The following REN variants were observed in gnomAD, a reference collection of about 807,000 sequenced individuals.
REN encodes renin.
In REN, 42 loss-of-function variants were observed where a neutral mutation model predicts 48.6. That is an observed-to-expected ratio of 0.86 (90% CI 0.68 to 1.12). The LOEUF is 1.12. Ranked by LOEUF, REN falls within the 50% of genes most tolerant of loss-of-function variation. The pLI, the probability that REN is intolerant of heterozygous loss-of-function variation, is 0.00. For missense variants in REN, 443 were observed against 527.3 expected, an observed-to-expected ratio of 0.84 and a Z score of 1.57; for synonymous variants, 196 against 204.6, an observed-to-expected ratio of 0.96 and a Z score of 0.36.
chr1:204,162,993 A>G (rs943376349), intron 1 of REN, among the ~76,000 whole-genome samples: 2 of 152,244 alleles, frequency 1.3e-5, no homozygotes, highest in African/African-American at 4.8e-5. Flanking sequence ...GCTCACAGGG[A>G]CAAAGGTGAC....
intron 1 of REN, among the ~76,000 whole-genome samples, chr1:204,165,817 C>T (rs1361141469): frequency 6.6e-6 from 1 of 152,152 alleles, no homozygotes; most frequent in East Asian, 1.9e-4. Context: ...GTCTCAAACT[C>T]CTGACCTCAA....
Position 204,156,184 on chromosome 1 carries a change from C to T in REN, c.954G>A (p.Leu318=), listed in dbSNP as rs11571120. The T allele has an allele frequency of 4.0e-4, 645 of 1,614,226 alleles. 2 individuals carry two copies. In the African/African-American group the frequency reaches 7.6e-3, roughly 19 times the overall value. The change falls in exon 8 of 10, where the codon CTG becomes CTA. Residue 318 remains leucine, a synonymous_variant. Transcript: ENST00000272190. The surrounding 1 kb of genome is among the most constrained non-coding windows in gnomAD (Gnocchi z 4.2). ...LMEALGAKKR[L]FDYVVKCNEG... ...TCCCTCTTTGGCTTCTTACATCAAA[C>T]AGCCTCTTCTTGGCTCCCAAGGCCT...
Position 204,159,555 on chromosome 1 carries a change from G to A in REN, c.533C>T (p.Thr178Met), listed in dbSNP as rs147436851. ...CATGAAGGGTAAGGCGGGCATCTCC[G>A]TGACCTCTCCAAACATCTGTGTCAC... is the stretch of plus-strand genomic sequence containing the variant. ...ITVTQMFGEV[T>M]EMPALPFMLA... Residue 178 changes from threonine (T) to methionine (M), a missense_variant, in exon 5 of 10, where the codon ACG becomes ATG. Thr to Met is a moderately conservative substitution (Grantham distance 81). Transcript: ENST00000272190. 281 of 1,614,004 alleles carry A rather than the reference G, an allele frequency of 1.7e-4. No homozygotes were observed. The highest frequency in any genetic ancestry group is 2.1e-4 in the Non-Finnish European group (250 of 1,180,032).
At chr1:204,165,220 C>A (rs760686186) in intron 1 of REN, among the ~76,000 whole-genome samples, 8 of 152,214 alleles carry the variant, frequency 5.3e-5, no homozygotes, top group African/African-American at 1.9e-4. Context: ...ATCTGCCCCC[C>A]TCGGCCTCCC....
At chr1:204,161,968 G>A (rs1369766007) in intron 2 of REN, 45 bp downstream of exon 2, 2 of 1,611,054 alleles carry the variant, frequency 1.2e-6, no homozygotes, top group South Asian at 2.2e-5. Flanking sequence ...GGTCCATGAG[G>A]GAAAGGAGAC....
Position 204,156,303 on chromosome 1 carries a change from A to G in REN, c.835T>C (p.Ser279Pro). The G allele has an allele frequency of 6.2e-7, 1 of 1,613,674 alleles. No individual in the cohort carries two copies. Among genetic ancestry groups the G allele is most frequent in the Non-Finnish European group, 8.5e-7 (1 of 1,179,766 alleles). ...CAGCCGTCTTCACAGAGCAAGGTGGATGACCCCACAGACACCCTGGGGGAG... is the reference window on the plus strand; with the variant it reads ...CAGCCGTCTTCACAGAGCAAGGTGGGTGACCCCACAGACACCCTGGGGGAG... ...IQMKGVSVGSSTLLCEDGCLA... is the reference protein window; with the variant it reads ...IQMKGVSVGSPTLLCEDGCLA... The change falls in exon 8 of 10, where the codon TCC becomes CCC. Residue 279 changes from serine to proline, a missense_variant. Ser to Pro is a moderately conservative substitution (Grantham distance 74, BLOSUM62 -1). Transcript: ENST00000272190. This position sits in a 1 kb window ranked among gnomAD's most constrained non-coding sequence, Gnocchi z 4.2.
intron 4 of REN, among the ~76,000 whole-genome samples, chr1:204,159,808 C>T (rs553969274): frequency 6.6e-6 from 1 of 152,298 alleles, no homozygotes; most frequent in South Asian, 2.1e-4. Flanking sequence ...GACCAGGGAT[C>T]GGAGAGCAGA....
intron 5 of REN, 116 bp from the exon 6 acceptor site, chr1:204,157,485 A>G (rs1658170609): frequency 6.9e-7 from 1 of 1,451,272 alleles, no homozygotes; most frequent in East Asian, 2.3e-5. Context: ...CAATGGAGTC[A>G]CCAAGAGGCG....
At position 204,156,387 on chromosome 1, in the gene REN, C is replaced by T; in HGVS notation, c.819-68G>A. 7.6e-7 allele frequency: 1 copy of T among 1,307,756 alleles called. No homozygotes were observed. Among genetic ancestry groups the T allele is most frequent in the South Asian group, 1.2e-5 (1 of 84,422 alleles). The allele number at this position is 1,307,756 out of a possible 1,614,324, so 81.0% of individuals were successfully genotyped here. On this transcript the variant is annotated intron_variant, in intron 7 of 9. Coordinates refer to ENST00000272190, the MANE Select transcript of REN (RefSeq NM_000537.4). The surrounding 1 kb of genome is among the most constrained non-coding windows in gnomAD (Gnocchi z 4.2). ...AGAAGGCTGATGGGGCACCTCCAGG[C>T]TGCATGTCCTTCCTGAGTGTGGGTG...
At chr1:204,161,960 T>C in intron 2 of REN, 53 bp downstream of exon 2, 1 of 1,608,012 alleles carries the variant, frequency 6.2e-7, no homozygotes. Flanking sequence ...AAGCCCTAGG[T>C]CCATGAGGGA....
chr1:204,165,284 G>T (rs1658324176), intron 1 of REN, among the ~76,000 whole-genome samples: 1 of 152,152 alleles, frequency 6.6e-6, no homozygotes, highest in South Asian at 2.1e-4. Flanking sequence ...CCTTGCTTTT[G>T]ATATTTGTAA....
chr1:204,159,277 A>G (rs1658201224), intron 5 of REN, 122 bp downstream of exon 5: 6 of 827,594 alleles, frequency 7.2e-6, no homozygotes, highest in Admixed American at 5.7e-5. Context: ...ACAGCTCTAG[A>G]TATTGATTGG....
At chr1:204,162,217 T>A in intron 1 of REN, 54 bp from the exon 2 acceptor site, 1 of 1,601,738 alleles carries the variant, frequency 6.2e-7, no homozygotes, top group East Asian at 2.2e-5. Context: ...TCCACCACAG[T>A]GGTGGAGTCC....
intron 1 of REN, 69 bp from the exon 2 acceptor site, chr1:204,162,232 G>C (rs1040734240): frequency 6.4e-7 from 1 of 1,565,156 alleles, no homozygotes. Context: ...GAGTCCCTGA[G>C]GCCAAACCCC....
At position 204,164,045 on chromosome 1, in the gene REN, C is replaced by T. The variant is rs569082114; in HGVS notation, c.99-1882G>A. On this transcript the variant is annotated intron_variant, in intron 1 of 9. Coordinates refer to ENST00000272190, the MANE Select transcript of REN (RefSeq NM_000537.4). The stretch of plus-strand genomic sequence containing the variant: ...GCCTCGCATGATGCTCTGCACATAG[C>T]GGGTAGCAAAATTCCTATAATACTG... Among the ~76,000 whole-genome samples the T allele has an allele frequency of 4.6e-5, 7 of 152,314 alleles. No individual in the cohort carries two copies. In the East Asian group the frequency reaches 7.7e-4, roughly 17 times the overall value.
At chr1:204,159,883 T>C (rs1658212842) in intron 4 of REN, among the ~76,000 whole-genome samples, 1 of 152,188 alleles carries the variant, frequency 6.6e-6, no homozygotes, top group South Asian at 2.1e-4. Flanking sequence ...CCCTCCCCAG[T>C]GGCCAGACTT....
chr1:204,165,076 A>C (rs1007010177), intron 1 of REN, among the ~76,000 whole-genome samples: 1 of 151,516 alleles, frequency 6.6e-6, no homozygotes, highest in African/African-American at 2.4e-5. Context: ...GGTTCAAGCG[A>C]TTCTCCTGCC....
At chr1:204,155,752 CTG>C in intron 9 of REN, 66 bp downstream of exon 9, 1 of 1,167,572 alleles carries the variant, frequency 8.6e-7, no homozygotes, top group Non-Finnish European at 1.3e-6. Flanking sequence ...GCATTGTAAT[CTG>C]TCACTCTTTG....
At position 204,166,272 on chromosome 1, in the gene REN, G is replaced by C. The variant is rs61746500; in HGVS notation, c.22C>G (p.Pro8Ala). Residue 8 changes from proline to alanine, a missense_variant, in exon 1 of 10, where the codon CCT (proline) becomes GCT (alanine). By Grantham distance (27) the Pro-to-Ala change is conservative. Transcript: ENST00000272190. MDGWRRM[P>A]RWGLLLLLWG... ...AGCAGCAGCAGCAGTCCCCAGCGAG[G>C]CATCCTTCTCCATCCATCCATGCTT... The C allele has an allele frequency of 3.8e-4, 619 of 1,614,180 alleles. 1 individual carries two copies. The African/African-American group carries it at 7.3e-3, about 19-fold the overall frequency.
Sources: allele counts gnomAD v4.1 joint callset (sites outside exome capture counted in the v4.1 genomes callset), GRCh38; gene constraint gnomAD v4.1.1; non-coding constraint Gnocchi (gnomAD v3.1); transcripts MANE v1.5; gene names NCBI Gene and HGNC (gene_info 2026-07-23, HGNC 2026-07-21).